Variants in NCAM1 observed in about 807,000 individuals in gnomAD.
NCAM1 encodes antigen recognized by monoclonal antibody 5.1H11.
NCAM1 carries 14 observed loss-of-function variants against 109.8 expected under a neutral mutation model. That is an observed-to-expected ratio of 0.13 (90% CI 0.08 to 0.20). The LOEUF is 0.20. NCAM1 is among the 10% of genes least tolerant of loss of function. The probability of loss-of-function intolerance (pLI) is 1.00; values close to 1 mark genes in which losing one functional copy is unlikely to be tolerated. For synonymous variants in NCAM1, 418 were observed against 442.9 expected, an observed-to-expected ratio of 0.94 and a Z score of 0.70; for missense variants, 774 against 1,109.9, an observed-to-expected ratio of 0.70 and a Z score of 4.30.
At chr11:113,047,416 T>A (rs960528263) in intron 1 of NCAM1, among the ~76,000 whole-genome samples, 4 of 152,182 alleles carry the variant, frequency 2.6e-5, no homozygotes, top group Non-Finnish European at 5.9e-5. Context: ...AGTCTTAGGC[T>A]CAACCCAACA....
intron 17 of NCAM1, among the ~76,000 whole-genome samples, chr11:113,268,354 C>T (rs1946184690): frequency 6.6e-6 from 1 of 152,216 alleles, no homozygotes; most frequent in African/African-American, 2.4e-5. Context: ...GAGCTGGGTT[C>T]TCCAAGCAGA....
intron 1 of NCAM1, among the ~76,000 whole-genome samples, chr11:113,194,569 A>G (rs1442499434): frequency 1.3e-5 from 2 of 152,158 alleles, no homozygotes; most frequent in African/African-American, 2.4e-5. Flanking sequence ...AGATGTCTAT[A>G]TGTTATCTGA....
rs553105087 is a variant in NCAM1 at position 112,962,611 on chromosome 11, A to C, written c.52+947A>C. On this transcript the variant is annotated intron_variant, in intron 1 of 19. Transcript: ENST00000316851. This position sits in a 1 kb window ranked among gnomAD's most constrained non-coding sequence, Gnocchi z 5.6. ...AACAATAGGGAGCTGGGAGGAAGAC[A>C]GTAGTGATGCTGCCGCGGGTGGCGG... is the stretch of plus-strand genomic sequence containing the variant. Among the ~76,000 whole-genome samples, 1 of 152,214 alleles carries C rather than the reference A, an allele frequency of 6.6e-6. No homozygotes were observed. The highest frequency in any genetic ancestry group is 2.4e-5 in the African/African-American group (1 of 41,548).
At chr11:113,035,982 C>G (rs1952867440) in intron 1 of NCAM1, among the ~76,000 whole-genome samples, 1 of 152,026 alleles carries the variant, frequency 6.6e-6, no homozygotes, top group Non-Finnish European at 1.5e-5. Flanking sequence ...CAGAGCCTGC[C>G]TTGTCAGCCT....
At chr11:112,979,579 AC>A (rs1242565783) in intron 1 of NCAM1, among the ~76,000 whole-genome samples, 8 of 151,760 alleles carry the variant, frequency 5.3e-5, no homozygotes, top group Admixed American at 2.6e-4. Context: ...AGCAGAGGAG[AC>A]TTCTTTATTG....
chr11:113,185,068 T>TTTTATATATATATATA (rs1555108651), intron 1 of NCAM1, among the ~76,000 whole-genome samples: 4 of 99,638 alleles, frequency 4.0e-5, no homozygotes, highest in African/African-American at 1.2e-4. Flanking sequence ...GCATTTATAT[T>TTTTATATATATATATA]TATATATATA....
chr11:113,154,642 G>A (rs1406976947), intron 1 of NCAM1, among the ~76,000 whole-genome samples: 2 of 152,002 alleles, frequency 1.3e-5, no homozygotes, highest in Non-Finnish European at 1.5e-5. Context: ...ACACACACCC[G>A]CCACACATGA....
intron 1 of NCAM1, among the ~76,000 whole-genome samples, chr11:113,175,162 T>A (rs1943107529): frequency 6.6e-6 from 1 of 152,222 alleles, no homozygotes; most frequent in South Asian, 2.1e-4. Flanking sequence ...GGAGACATTT[T>A]ACAGTTGTTG....
chr11:113,165,583 C>T (rs1048031079), intron 1 of NCAM1, among the ~76,000 whole-genome samples: 13 of 152,146 alleles, frequency 8.5e-5, no homozygotes, highest in Admixed American at 5.9e-4. Flanking sequence ...ATAGCCTTTG[C>T]TTCCCCCACC....
chr11:113,004,503 T>C (rs1180622635), intron 1 of NCAM1, among the ~76,000 whole-genome samples: 3 of 150,948 alleles, frequency 2.0e-5, no homozygotes, highest in Non-Finnish European at 3.0e-5. Flanking sequence ...AAAAAAAAAT[T>C]TTTTTTTTTT....
At chr11:113,224,748 G>A (rs1029265717) in intron 9 of NCAM1, among the ~76,000 whole-genome samples, 7 of 152,194 alleles carry the variant, frequency 4.6e-5, no homozygotes, top group African/African-American at 1.4e-4. Context: ...CCAGAGGAAC[G>A]ATCAGACAGC....
intron 1 of NCAM1, among the ~76,000 whole-genome samples, chr11:112,973,049 CAT>C (rs1226913143): frequency 3.3e-5 from 5 of 152,226 alleles, no homozygotes; most frequent in African/African-American, 1.2e-4. Context: ...CTTCATTTAT[CAT>C]ATGAGTTGAT....
At chr11:113,109,975 T>C (rs1159299600) in intron 1 of NCAM1, among the ~76,000 whole-genome samples, 1 of 152,180 alleles carries the variant, frequency 6.6e-6, no homozygotes, top group Non-Finnish European at 1.5e-5. Context: ...TGCATACATA[T>C]ACAGGGAGAT....
chr11:113,243,634 A>G, intron 14 of NCAM1: 1 of 517,946 alleles, frequency 1.9e-6, no homozygotes, highest in South Asian at 1.4e-5. Flanking sequence ...TGTGTGGAGG[A>G]CCTGAATCTC....
chr11:113,095,916 A>G (rs1555090344), intron 1 of NCAM1, among the ~76,000 whole-genome samples: 1 of 152,130 alleles, frequency 6.6e-6, no homozygotes. Context: ...TGTTTTTAAA[A>G]ATCTGCTGCA....
chr11:113,107,508 G>C (rs1317443401), intron 1 of NCAM1, among the ~76,000 whole-genome samples: 2 of 152,102 alleles, frequency 1.3e-5, no homozygotes, highest in Admixed American at 6.6e-5. Context: ...TAAAGAAAAA[G>C]ATTTAACGGA....
chr11:113,083,337 C>T lies in NCAM1; in HGVS notation c.53-119042C>T, dbSNP rs150756701. Among the ~76,000 whole-genome samples, 117 of 152,236 alleles carry T rather than the reference C, an allele frequency of 7.7e-4. 1 individual carries two copies. Among genetic ancestry groups the T allele is most frequent in the African/African-American group, 2.7e-3 (112 of 41,542 alleles). Reference sequence around the variant, plus strand: ...TATACACAGTTAATATCAGGCTGTACGTCCTGGTCTTTAGTCATTTTAACT... The same window carrying T: ...TATACACAGTTAATATCAGGCTGTATGTCCTGGTCTTTAGTCATTTTAACT... On this transcript the variant is annotated intron_variant, in intron 1 of 19. Transcript: ENST00000316851.
Position 113,191,331 on chromosome 11 carries a change from C to T in NCAM1, c.53-11048C>T, listed in dbSNP as rs117432962. Among the ~76,000 whole-genome samples, 153 of 152,314 alleles carry T rather than the reference C, an allele frequency of 1.0e-3. 3 individuals carry two copies. In the East Asian group the frequency reaches 0.024, roughly 24 times the overall value. On this transcript the variant is annotated intron_variant, in intron 1 of 19. Coordinates refer to ENST00000316851, the MANE Select transcript of NCAM1 (RefSeq NM_181351.5). ...CTCAGGAATTCCAGCAACCTGTTTC[C>T]ATTCCCTGTTTAAACTTAGTATATC...
rs1217608062 is a variant in NCAM1 at position 113,176,744 on chromosome 11, T to G, written c.53-25635T>G. ...TTTTCTGTGTGTTTAATTTATGTGG[T>G]TTTTTTTTCTCTATGGCTATGGGAT... On this transcript the variant is annotated intron_variant, in intron 1 of 19. Coordinates refer to ENST00000316851, the MANE Select transcript of NCAM1 (RefSeq NM_181351.5). Among the ~76,000 whole-genome samples, 8 of 151,634 alleles carry G rather than the reference T, an allele frequency of 5.3e-5. No homozygotes were observed. The East Asian group carries it at 5.8e-4, about 11-fold the overall frequency.
Sources: gnomAD v4.1 joint callset for allele counts (sites outside exome capture counted in the v4.1 genomes callset) on GRCh38, gnomAD v4.1.1 for gene constraint, Gnocchi (gnomAD v3.1) non-coding constraint, MANE v1.5 for transcripts, NCBI Gene and HGNC (gene_info 2026-07-23, HGNC 2026-07-21) for gene names.